Variants in TASP1 observed in about 807,000 individuals in gnomAD.
TASP1 encodes the protein threonine aspartase 1.
TASP1 carries 16 observed loss-of-function variants against 56.6 expected under a neutral mutation model. The observed-to-expected ratio is 0.28, with a 90% confidence interval of 0.19 to 0.43. TASP1 has a LOEUF of 0.43. TASP1 is among the 20% of genes least tolerant of loss of function. TASP1 has a pLI of 1.00. For synonymous variants in TASP1, 179 were observed against 184.2 expected, an observed-to-expected ratio of 0.97 and a Z score of 0.23; for missense variants, 393 against 511.6, an observed-to-expected ratio of 0.77 and a Z score of 2.24.
chr20:13,615,621 C>T (rs1439911161), intron 4 of TASP1, among the ~76,000 whole-genome samples: 1 of 151,276 alleles, frequency 6.6e-6, no homozygotes, highest in Non-Finnish European at 1.5e-5. Context: ...TCTCATGCCT[C>T]AGCCTCCCGA....
chr20:13,619,192 C>T (rs2147503733), intron 4 of TASP1, among the ~76,000 whole-genome samples: 1 of 152,258 alleles, frequency 6.6e-6, no homozygotes, highest in African/African-American at 2.4e-5. Flanking sequence ...GCCACCGTGC[C>T]CGGCCCCTAT....
intron 10 of TASP1, among the ~76,000 whole-genome samples, chr20:13,489,339 G>A (rs1403120059): frequency 1.3e-5 from 2 of 152,140 alleles, no homozygotes; most frequent in African/African-American, 4.8e-5. Flanking sequence ...CAAGGGGCCT[G>A]TGAAATATAG....
At chr20:13,452,099 T>A (rs1315922329) in intron 11 of TASP1, among the ~76,000 whole-genome samples, 1 of 152,014 alleles carries the variant, frequency 6.6e-6, no homozygotes, top group East Asian at 1.9e-4. Flanking sequence ...AACATTACCA[T>A]AGTAACATCA....
At chr20:13,446,323 A>G (rs190069745) in intron 11 of TASP1, among the ~76,000 whole-genome samples, 1 of 152,248 alleles carries the variant, frequency 6.6e-6, no homozygotes. Context: ...ATCATTTTAC[A>G]TCAAGAAAAG....
intron 5 of TASP1, among the ~76,000 whole-genome samples, chr20:13,586,631 T>C (rs750439428): frequency 6.6e-6 from 1 of 152,150 alleles, no homozygotes; most frequent in Non-Finnish European, 1.5e-5. Context: ...GGTGTCTACA[T>C]CTAAAAATTC....
the TASP1 span, among the ~76,000 whole-genome samples, chr20:13,264,202 G>C: frequency 2.0e-5 from 3 of 152,180 alleles, no homozygotes; most frequent in Non-Finnish European, 4.4e-5. Flanking sequence ...AAATTTGCCA[G>C]CCAGTCTGCC....
chr20:13,156,440 T>G, the TASP1 span, among the ~76,000 whole-genome samples: 1 of 152,210 alleles, frequency 6.6e-6, no homozygotes, highest in African/African-American at 2.4e-5. Flanking sequence ...TATGGTGTGA[T>G]GAAAGGTTTG....
chr20:13,275,352 T>C, the TASP1 span, among the ~76,000 whole-genome samples: 3 of 152,320 alleles, frequency 2.0e-5, no homozygotes, highest in Non-Finnish European at 2.9e-5. Context: ...CTCCTCCTTT[T>C]TCTCTAAAAT....
chr20:13,605,972 T>C (rs142102589), intron 4 of TASP1, among the ~76,000 whole-genome samples: 68 of 152,258 alleles, frequency 4.5e-4, no homozygotes, highest in Middle Eastern at 3.4e-3. Context: ...TTCTTCTCTC[T>C]TACCACACTC....
the TASP1 span, among the ~76,000 whole-genome samples, chr20:13,155,148 C>G: frequency 6.6e-6 from 1 of 151,894 alleles, no homozygotes; most frequent in Non-Finnish European, 1.5e-5. Context: ...CCACTGCACT[C>G]CAGCCTAGGT....
chr20:13,249,162 T>TG, the TASP1 span, among the ~76,000 whole-genome samples: 2 of 152,158 alleles, frequency 1.3e-5, no homozygotes, highest in African/African-American at 4.8e-5. Context: ...CACAAAGATC[T>TG]GGGGGGAAAA....
the TASP1 span, among the ~76,000 whole-genome samples, chr20:13,198,842 CTTTCTTTCTTTCT>C: frequency 3.2e-4 from 44 of 137,518 alleles, no homozygotes; most frequent in South Asian, 9.6e-4. Flanking sequence ...TTCTTTCTTT[CTTTCTTTCTTTCT>C]TTCCTTCCTT....
chr20:13,179,784 T>A, the TASP1 span, among the ~76,000 whole-genome samples: 1 of 152,276 alleles, frequency 6.6e-6, no homozygotes, highest in East Asian at 1.9e-4. Flanking sequence ...CCGGAGAGTC[T>A]GCTCCATTCA....
intron 11 of TASP1, among the ~76,000 whole-genome samples, chr20:13,441,035 T>C (rs552472861): frequency 5.9e-5 from 9 of 152,178 alleles, no homozygotes; most frequent in Non-Finnish European, 1.0e-4. Context: ...TGGGCTCCTA[T>C]AGCTCATCTA....
intron 12 of TASP1, among the ~76,000 whole-genome samples, chr20:13,427,299 A>G (rs551052922): frequency 5.8e-4 from 88 of 152,234 alleles, no homozygotes; most frequent in Non-Finnish European, 9.6e-4. Context: ...TTGAAACCAC[A>G]GCATACTTTG....
chr20:13,624,777 T>C lies in TASP1; in HGVS notation c.213+408A>G, dbSNP rs188275073. ...ACAATGAACTTGCTATGATACAAACTACATGATGAAAAACAGAATGAAAAA... is the reference window on the plus strand; with the variant it reads ...ACAATGAACTTGCTATGATACAAACCACATGATGAAAAACAGAATGAAAAA... On this transcript the variant is annotated intron_variant, in intron 3 of 13. Transcript: ENST00000337743. Among the ~76,000 whole-genome samples, 410 of 152,302 alleles carry C rather than the reference T, an allele frequency of 2.7e-3. 8 individuals are homozygous for C. The highest frequency in any genetic ancestry group is 7.5e-4 in the Non-Finnish European group (51 of 68,024).
chr20:13,393,684 AC>A, intron 13 of TASP1: 1 of 1,261,506 alleles, frequency 7.9e-7, no homozygotes, highest in Non-Finnish European at 1.1e-6. Flanking sequence ...AGACCCCTGG[AC>A]CACCAGCCCC....
chr20:13,489,319 TA>T (rs1483589797), intron 10 of TASP1, among the ~76,000 whole-genome samples: 2 of 152,152 alleles, frequency 1.3e-5, no homozygotes, highest in Non-Finnish European at 2.9e-5. Context: ...TACACATTCT[TA>T]GGCAACTACA....
At chr20:13,350,363 T>C in the TASP1 span, among the ~76,000 whole-genome samples, 6 of 152,174 alleles carry the variant, frequency 3.9e-5, no homozygotes, top group Admixed American at 2.0e-4. Context: ...CAGTTAACAA[T>C]CTTTTGTACA....
Sources: gnomAD v4.1 joint callset for allele counts (sites outside exome capture counted in the v4.1 genomes callset) on GRCh38, gnomAD v4.1.1 for gene constraint, MANE v1.5 for transcripts, NCBI Gene and HGNC (gene_info 2026-07-23, HGNC 2026-07-21) for gene names.